Variants in MCPH1 observed in about 807,000 individuals in gnomAD.
MCPH1 encodes microcephalin 1.
A neutral mutation model predicts 84.5 loss-of-function variants in MCPH1; 104 were observed. The ratio of observed to expected loss-of-function variants is 1.23; its 90% CI spans 1.05 to 1.45. MCPH1 has a LOEUF of 1.45. MCPH1 is among the 40% of genes most tolerant of loss of function. The pLI, the probability that MCPH1 is intolerant of heterozygous loss-of-function variation, is 0.00. For synonymous variants in MCPH1, 514 were observed against 366.8 expected (o/e 1.40, Z -4.58); for missense variants, 1,498 against 1,005.7 (o/e 1.49, Z -6.62).
intron 10 of MCPH1, among the ~76,000 whole-genome samples, chr8:6,479,378 G>C (rs1050561754): frequency 6.6e-6 from 1 of 151,888 alleles, no homozygotes; most frequent in African/African-American, 2.4e-5. Flanking sequence ...AATTTTTGGA[G>C]AGGAGAGATG....
intron 5 of MCPH1, among the ~76,000 whole-genome samples, chr8:6,438,594 A>G (rs1238255482): frequency 6.6e-6 from 1 of 152,236 alleles, no homozygotes; most frequent in Non-Finnish European, 1.5e-5. Flanking sequence ...ACCTGAGACA[A>G]GAAACAGAAA....
chr8:6,410,044 A>G (rs1474432608), intron 2 of MCPH1, among the ~76,000 whole-genome samples: 1 of 152,046 alleles, frequency 6.6e-6, no homozygotes, highest in East Asian at 1.9e-4. Context: ...ATCTCAGCTC[A>G]CTGCAATCTC....
At chr8:6,432,905 T>C (rs1200999986) in intron 4 of MCPH1, among the ~76,000 whole-genome samples, 5 of 152,234 alleles carry the variant, frequency 3.3e-5, no homozygotes, top group African/African-American at 1.2e-4. Flanking sequence ...GTAAAACATT[T>C]AGTAAACACA....
intron 11 of MCPH1, among the ~76,000 whole-genome samples, chr8:6,498,357 T>C (rs543099992): frequency 1.3e-5 from 2 of 152,358 alleles, no homozygotes; most frequent in African/African-American, 4.8e-5. Flanking sequence ...ATGAAACTAC[T>C]AGAGCAAAAT....
In MCPH1 at chr8:6,595,847, C is replaced by G. The variant is rs562442921; in HGVS notation, c.2215-25607C>G. Among the ~76,000 whole-genome samples, 5 of 152,262 alleles carry G rather than the reference C, an allele frequency of 3.3e-5. No homozygotes were observed. The South Asian group carries it at 1.0e-3, about 32-fold the overall frequency. ...ATAGAGTCAGATACAATTGGGCAGGCAACGGCCCTTTACAGATGACGAAGC... is the reference window on the plus strand; with the variant it reads ...ATAGAGTCAGATACAATTGGGCAGGGAACGGCCCTTTACAGATGACGAAGC... On this transcript the variant is annotated intron_variant, in intron 12 of 13. Coordinates refer to ENST00000344683, the MANE Select transcript of MCPH1 (RefSeq NM_024596.5).
intron 12 of MCPH1, among the ~76,000 whole-genome samples, chr8:6,584,757 A>T (rs1030283991): frequency 6.6e-6 from 1 of 152,230 alleles, no homozygotes; most frequent in Non-Finnish European, 1.5e-5. Flanking sequence ...TTCCAAATGC[A>T]GTCATCATCT....
At chr8:6,535,602 T>A (rs1191783964) in intron 12 of MCPH1, among the ~76,000 whole-genome samples, 1 of 152,168 alleles carries the variant, frequency 6.6e-6, no homozygotes, top group Non-Finnish European at 1.5e-5. Context: ...GTATATAGTG[T>A]CTATAAATAT....
intron 12 of MCPH1, chr8:6,502,202 AG>A (rs1399205137): frequency 1.3e-5 from 2 of 152,178 alleles, no homozygotes; most frequent in African/African-American, 4.8e-5. Flanking sequence ...CATCATTAAA[AG>A]TAAGAAGTTT....
intron 12 of MCPH1, among the ~76,000 whole-genome samples, chr8:6,549,137 T>G (rs955705404): frequency 6.6e-6 from 1 of 152,204 alleles, no homozygotes; most frequent in African/African-American, 2.4e-5. Flanking sequence ...ATTTCAGAGA[T>G]AGCAGTACAA....
At chr8:6,543,557 G>A (rs1017140359) in intron 12 of MCPH1, among the ~76,000 whole-genome samples, 8 of 152,314 alleles carry the variant, frequency 5.3e-5, no homozygotes, top group South Asian at 4.1e-4. Context: ...AGGGAAAAGC[G>A]CTGTCGTATA....
rs568164044 is a variant in MCPH1, at chr8:6,510,166, T to G, written c.2214+10237T>G. ...TTTTGAGGTTGTTTTTTCTTTTTTT[T>G]TTTTTATTTTCCATAACTATGCTCA... On this transcript the variant is annotated intron_variant, in intron 12 of 13. Coordinates refer to ENST00000344683, the MANE Select transcript of MCPH1 (RefSeq NM_024596.5). 4.0e-5 allele frequency among the ~76,000 whole-genome samples: 6 copies of G among 151,824 alleles called. No individual in the cohort carries two copies. The South Asian group carries it at 1.3e-3, about 32-fold the overall frequency.
chr8:6,576,657 G>C (rs994523694), intron 12 of MCPH1, among the ~76,000 whole-genome samples: 5 of 131,818 alleles, frequency 3.8e-5, no homozygotes, highest in African/African-American at 1.1e-4. Flanking sequence ...ACAGGTGCCC[G>C]CCACCACGCT....
intron 11 of MCPH1, among the ~76,000 whole-genome samples, chr8:6,491,890 G>A (rs543653954): frequency 6.6e-6 from 1 of 152,106 alleles, no homozygotes; most frequent in Admixed American, 6.5e-5. Context: ...TGGACATTTG[G>A]GTTGGTTCCA....
intron 12 of MCPH1, among the ~76,000 whole-genome samples, chr8:6,614,884 A>C (rs1830649550): frequency 6.6e-6 from 1 of 150,804 alleles, no homozygotes; most frequent in Non-Finnish European, 1.5e-5. Flanking sequence ...CCAACCCCAT[A>C]CCCCACCCTA....
chr8:6,457,329 A>C (rs1383689759), intron 9 of MCPH1, among the ~76,000 whole-genome samples: 1 of 152,182 alleles, frequency 6.6e-6, no homozygotes. Flanking sequence ...ATGGTGGCTC[A>C]TGCCTATAAT....
Position 6,648,049 on chromosome 8 carries a change from A to C in MCPH1, c.*5000A>C, listed in dbSNP as rs1233746391. On this transcript the variant is annotated 3_prime_UTR_variant, in exon 14 of 14. Coordinates refer to ENST00000344683, the MANE Select transcript of MCPH1 (RefSeq NM_024596.5). ...GAGTGCAGGTAGCTAACACTGACCA[A>C]CCTGCATCTGGTAGTTCATTTAAGG... 2 of 152,202 alleles carry C rather than the reference A, an allele frequency of 1.3e-5. No homozygotes were observed. The highest frequency in any genetic ancestry group is 2.4e-5 in the African/African-American group (1 of 41,450). 9.4% of individuals were successfully genotyped at this position (152,202 alleles called of 1,614,324 possible). A position where few individuals can be genotyped will look rare whatever the true frequency, so the allele number is the denominator to read the frequency against.
At chr8:6,515,067 A>G (rs577305712) in intron 12 of MCPH1, among the ~76,000 whole-genome samples, 1 of 151,518 alleles carries the variant, frequency 6.6e-6, no homozygotes, top group African/African-American at 2.4e-5. Context: ...CCCCACCCTG[A>G]TGGCTGGTCC....
intron 12 of MCPH1, among the ~76,000 whole-genome samples, chr8:6,609,828 C>CCCACACACA (rs1475345162): frequency 5.5e-5 from 6 of 108,860 alleles, no homozygotes; most frequent in South Asian, 4.1e-4. Flanking sequence ...CGCCCCCCCC[C>CCCACACACA]CACACACAGA....
chr8:6,470,528 G>A (rs1049601171), intron 9 of MCPH1, among the ~76,000 whole-genome samples: 5 of 152,062 alleles, frequency 3.3e-5, no homozygotes, highest in Non-Finnish European at 5.9e-5. Flanking sequence ...CAAGTGATTC[G>A]CCCACCTTGG....
Sources: allele counts gnomAD v4.1 joint callset (sites outside exome capture counted in the v4.1 genomes callset), GRCh38; gene constraint gnomAD v4.1.1; transcripts MANE v1.5; gene names NCBI Gene and HGNC (gene_info 2026-07-23, HGNC 2026-07-21).